ATP11A: variants seen among roughly 807,000 people sequenced by gnomAD.
The protein encoded by ATP11A is phospholipid-transporting ATPase IH.
ATP11A carries 81 observed loss-of-function variants against 154.4 expected under a neutral mutation model. That is an observed-to-expected ratio of 0.52 (90% CI 0.44 to 0.63). ATP11A has a LOEUF of 0.63. ATP11A is among the 30% of genes least tolerant of loss of function. The pLI, the probability that ATP11A is intolerant of heterozygous loss-of-function variation, is 0.00. For missense variants in ATP11A, 1,316 were observed against 1,474.3 expected (o/e 0.89, Z 1.76); for synonymous variants, 623 against 585.9 (o/e 1.06, Z -0.91).
At position 112,886,742 on chromosome 13, in the gene ATP11A, CTTAAAA is replaced by C. The variant is rs143949184; in HGVS notation, c.*4880_*4885del. 312 of 152,640 alleles carry C rather than the reference CTTAAAA, an allele frequency of 2.0e-3. No individual in the cohort carries two copies. Among genetic ancestry groups the C allele is most frequent in the African/African-American group, 7.0e-3 (292 of 41,536 alleles). 9.5% of individuals were successfully genotyped at this position (152,640 alleles called of 1,614,324 possible). A position where few individuals can be genotyped will look rare whatever the true frequency, so the allele number is the denominator to read the frequency against. On this transcript the variant is annotated 3_prime_UTR_variant, in exon 30 of 30. Transcript: ENST00000375645. ...TTTAATATGCATATATTGTGTCTGA[CTTAAAA>C]TTATAATGTCTGCGTCACCATTTAA...
At position 112,790,697 on chromosome 13, in the gene ATP11A, G is replaced by T. The variant is rs2077827810; in HGVS notation, c.162+5440G>T. On this transcript the variant is annotated intron_variant, in intron 2 of 29. Transcript: ENST00000375645. Reference sequence around the variant, plus strand: ...CTCCTTAATCCACACCGGGTGTCCTGATGTGTAGACTCCTGTGGAGACTTA... The same window carrying T: ...CTCCTTAATCCACACCGGGTGTCCTTATGTGTAGACTCCTGTGGAGACTTA... Among the ~76,000 whole-genome samples the T allele has an allele frequency of 3.3e-5, 5 of 152,264 alleles. No homozygotes were observed. In the South Asian group the frequency reaches 1.0e-3, roughly 32 times the overall value.
intron 2 of ATP11A, among the ~76,000 whole-genome samples, chr13:112,792,668 T>C (rs1326943409): frequency 6.6e-6 from 1 of 151,988 alleles, no homozygotes; most frequent in African/African-American, 2.4e-5. Context: ...GGAGAGACTT[T>C]GGGCAGTGTC....
chr13:112,775,122 G>C (rs1443811954), intron 1 of ATP11A, among the ~76,000 whole-genome samples: 1 of 152,276 alleles, frequency 6.6e-6, no homozygotes, highest in African/African-American at 2.4e-5. Flanking sequence ...AACAGCGTTT[G>C]GTGGGACTCA....
chr13:112,774,108 C>T (rs774658839), intron 1 of ATP11A, among the ~76,000 whole-genome samples: 2 of 152,168 alleles, frequency 1.3e-5, no homozygotes, highest in Admixed American at 1.3e-4. Context: ...GCATTGCGGC[C>T]GAAGGTTGCA....
chr13:112,864,594 C>A (rs76261582), intron 25 of ATP11A, among the ~76,000 whole-genome samples: 49 of 44,602 alleles, frequency 1.1e-3, no homozygotes, highest in African/African-American at 2.7e-3. Flanking sequence ...CCATCACCAC[C>A]TGCACAGTAA....
At chr13:112,794,520 A>G (rs1207603404) in intron 2 of ATP11A, among the ~76,000 whole-genome samples, 3 of 152,218 alleles carry the variant, frequency 2.0e-5, no homozygotes, top group Non-Finnish European at 4.4e-5. Context: ...TCTGTGAAAC[A>G]TAGAGATTAC....
At chr13:112,716,731 C>T (rs1045925423) in intron 1 of ATP11A, among the ~76,000 whole-genome samples, 11 of 152,176 alleles carry the variant, frequency 7.2e-5, no homozygotes, top group South Asian at 6.2e-4. Flanking sequence ...CAGCCAGTGA[C>T]GGGGCCCATC....
intron 2 of ATP11A, among the ~76,000 whole-genome samples, chr13:112,801,867 C>A (rs1404569432): frequency 1.3e-5 from 2 of 152,168 alleles, no homozygotes; most frequent in African/African-American, 4.8e-5. Context: ...TTTGACCTGT[C>A]CTAATCAAAT....
rs2078907532 is a variant in ATP11A, at chr13:112,825,421, T to C, written c.873-9T>C. The C allele has an allele frequency of 6.2e-7, 1 of 1,604,518 alleles. No homozygotes were observed. Among genetic ancestry groups the C allele is most frequent in the African/African-American group, 1.3e-5 (1 of 74,702 alleles). On this transcript the variant is annotated splice_polypyrimidine_tract_variant and intron_variant, in intron 10 of 29. Transcript: ENST00000375645. ...GGGACCAGTGATCACCTCTGTCCTT[T>C]TGTTTTAGATCGATGAATGCGTTCC...
At chr13:112,795,270 G>T (rs1483939988) in intron 2 of ATP11A, among the ~76,000 whole-genome samples, 1 of 152,192 alleles carries the variant, frequency 6.6e-6, no homozygotes, top group African/African-American at 2.4e-5. Flanking sequence ...ATAAGTTATG[G>T]CAAGTCCATG....
rs746508865 is a variant in ATP11A, at chr13:112,855,978, C to A, written c.2311C>A (p.Pro771Thr). 3.1e-6 allele frequency: 5 copies of A among 1,614,090 alleles called. No homozygotes were observed. The highest frequency in any genetic ancestry group is 8.5e-7 in the Non-Finnish European group (1 of 1,180,040). ...AGCTGCACTGTCTCTGATAATGAAG[C>A]CTCGAGAAGACGGGAGTTCCGGCAA... ...DGAALSLIMK[P>T]REDGSSGNYR... The change falls in exon 20 of 30, where the codon CCT (proline) becomes ACT (threonine). Residue 771 changes from proline (P) to threonine (T), a missense_variant. Coordinates refer to ENST00000375645, the MANE Select transcript of ATP11A (RefSeq NM_015205.3).
chr13:112,874,039 A>G (rs1032465805), intron 27 of ATP11A, among the ~76,000 whole-genome samples: 3 of 152,178 alleles, frequency 2.0e-5, no homozygotes, highest in Admixed American at 6.5e-5. Context: ...CGCCATCATC[A>G]CAGCAAGTCC....
At chr13:112,759,121 A>G (rs1037414050) in intron 1 of ATP11A, among the ~76,000 whole-genome samples, 1 of 152,194 alleles carries the variant, frequency 6.6e-6, no homozygotes, top group African/African-American at 2.4e-5. Context: ...GTCCCCTCTT[A>G]TCCTTGGTGA....
chr13:112,831,341 CA>C, intron 12 of ATP11A, 33 bp from the exon 13 acceptor site: 1 of 1,603,150 alleles, frequency 6.2e-7, no homozygotes, highest in South Asian at 1.1e-5. Context: ...GGGCCTCCCT[CA>C]GAGCGCCCTG....
chr13:112,767,738 G>A (rs1566451893), intron 1 of ATP11A, among the ~76,000 whole-genome samples: 1 of 152,116 alleles, frequency 6.6e-6, no homozygotes, highest in Non-Finnish European at 1.5e-5. Flanking sequence ...AATGATATCA[G>A]TAGCCACACT....
At position 112,832,917 on chromosome 13, in the gene ATP11A, G is replaced by T. The variant is rs781542018; in HGVS notation, c.1453G>T (p.Asp485Tyr). 3 of 1,614,130 alleles carry T rather than the reference G, an allele frequency of 1.9e-6. No homozygotes were observed. Among genetic ancestry groups the T allele is most frequent in the Admixed American group, 3.3e-5 (2 of 60,026 alleles). Reference sequence around the variant, plus strand: ...TCTCTGCCACACCGTCCAGGTGAAAGACGATGACAGCGTAGACGGCCCCAG... The same window carrying T: ...TCTCTGCCACACCGTCCAGGTGAAATACGATGACAGCGTAGACGGCCCCAG... ...LCLCHTVQVK[D>Y]DDSVDGPRKS... Residue 485 changes from aspartate (D) to tyrosine (Y), a missense_variant, in exon 14 of 30, where the codon GAC (aspartate) becomes TAC (tyrosine). Asp to Tyr is a radical substitution (Grantham distance 160). This residue lies in a region of ATP11A where 876 missense variants were observed against 1,006.8 expected (regional missense o/e 0.87). Coordinates refer to ENST00000375645, the MANE Select transcript of ATP11A (RefSeq NM_015205.3).
chr13:112,776,059 G>A (rs866600425), intron 1 of ATP11A, among the ~76,000 whole-genome samples: 3 of 152,228 alleles, frequency 2.0e-5, no homozygotes, highest in South Asian at 2.1e-4. Context: ...CTGGGAGCCC[G>A]TGGAGGCGGC....
chr13:112,877,705 G>A (rs1038650461), intron 28 of ATP11A, among the ~76,000 whole-genome samples: 8 of 152,154 alleles, frequency 5.3e-5, no homozygotes, highest in African/African-American at 1.7e-4. Context: ...AGTTGAACTC[G>A]GGGGGTTAGG....
chr13:112,693,265 C>T (rs888582577), intron 1 of ATP11A, among the ~76,000 whole-genome samples: 1 of 152,098 alleles, frequency 6.6e-6, no homozygotes, highest in African/African-American at 2.4e-5. Flanking sequence ...TGTTTGTATA[C>T]CATGAGGAGT....
Sources: allele counts gnomAD v4.1 joint callset (sites outside exome capture counted in the v4.1 genomes callset), GRCh38; gene constraint gnomAD v4.1.1; regional missense constraint gnomAD v4.1.1; transcripts MANE v1.5; gene names NCBI Gene and HGNC (gene_info 2026-07-23, HGNC 2026-07-21).